Variants in SRD5A2 observed in about 807,000 individuals in gnomAD.
SRD5A2 encodes the protein 3-oxo-5-alpha-steroid 4-dehydrogenase 2.
SRD5A2 carries 30 observed loss-of-function variants against 27.4 expected under a neutral mutation model. The observed-to-expected ratio is 1.10, with a 90% CI of 0.82 to 1.49. The LOEUF (loss-of-function observed/expected upper bound fraction) is 1.49, where lower values mean the gene tolerates loss of function less well. Among genes scored for constraint, SRD5A2 ranks in the 40% most tolerant of loss-of-function variants. The pLI, the probability that SRD5A2 is intolerant of heterozygous loss-of-function variation, is 0.00. For missense variants in SRD5A2, 348 were observed against 323.4 expected (o/e 1.08, Z -0.58); for synonymous variants, 141 against 133.6 (o/e 1.06, Z -0.38).
the SRD5A2 span, among the ~76,000 whole-genome samples, chr2:31,606,145 G>T: frequency 6.6e-6 from 1 of 151,912 alleles, no homozygotes; most frequent in Non-Finnish European, 1.5e-5. Flanking sequence ...GTTACCAGAG[G>T]CTGGGAAGGG....
At chr2:31,655,450 T>C in the SRD5A2 span, among the ~76,000 whole-genome samples, 1 of 152,186 alleles carries the variant, frequency 6.6e-6, no homozygotes, top group Non-Finnish European at 1.5e-5. Context: ...TCTCACTGAC[T>C]TCCAGGCAGA....
the SRD5A2 span, among the ~76,000 whole-genome samples, chr2:31,592,966 T>C: frequency 6.6e-6 from 1 of 152,194 alleles, no homozygotes; most frequent in Non-Finnish European, 1.5e-5. Flanking sequence ...TGTAGGGACA[T>C]GGATGAAATT....
the SRD5A2 span, among the ~76,000 whole-genome samples, chr2:31,602,969 A>G: frequency 1.4e-4 from 21 of 151,980 alleles, no homozygotes; most frequent in African/African-American, 4.6e-4. Flanking sequence ...AACCCTAGAA[A>G]AAAACCTAGG....
chr2:31,632,267 C>T, the SRD5A2 span, among the ~76,000 whole-genome samples: 51 of 152,200 alleles, frequency 3.4e-4, 2 homozygotes, highest in Admixed American at 3.3e-3. Flanking sequence ...TCATGGCCCT[C>T]AGGCAAGTGG....
chr2:31,618,217 G>T, the SRD5A2 span, among the ~76,000 whole-genome samples: 1 of 152,130 alleles, frequency 6.6e-6, no homozygotes, highest in Non-Finnish European at 1.5e-5. Context: ...CACAAGAACA[G>T]CATGGGGGAA....
At chr2:31,660,689 A>ATAAAAATTAAG in the SRD5A2 span, among the ~76,000 whole-genome samples, 1 of 152,242 alleles carries the variant, frequency 6.6e-6, no homozygotes, top group South Asian at 2.1e-4. Context: ...TAAAACTACT[A>ATAAAAATTAAG]TAAAAATTAA....
chr2:31,525,941 G>A lies in SRD5A2; in HGVS notation c.*255C>T, dbSNP rs1266268163. Reference sequence around the variant, plus strand: ...AAGTTTGTACTTTCTCAGAGCAATAGCTAAGAAGCAACTGTCGCCATTTGG... The same window carrying A: ...AAGTTTGTACTTTCTCAGAGCAATAACTAAGAAGCAACTGTCGCCATTTGG... On this transcript the variant is annotated 3_prime_UTR_variant, in exon 5 of 5. Coordinates refer to ENST00000622030, the MANE Select transcript of SRD5A2 (RefSeq NM_000348.4). 6 of 391,318 alleles carry A rather than the reference G, an allele frequency of 1.5e-5. No individual in the cohort carries two copies. The highest frequency in any genetic ancestry group is 2.8e-5 in the Non-Finnish European group (6 of 216,928). 24.2% of individuals were successfully genotyped at this position (391,318 alleles called of 1,614,324 possible). A position where few individuals can be genotyped will look rare whatever the true frequency, so the allele number is the denominator to read the frequency against.
At chr2:31,591,118 G>C in the SRD5A2 span, among the ~76,000 whole-genome samples, 1 of 152,204 alleles carries the variant, frequency 6.6e-6, no homozygotes, top group East Asian at 1.9e-4. Context: ...CTTCTGCACA[G>C]CAAAAGAAAA....
the SRD5A2 span, among the ~76,000 whole-genome samples, chr2:31,619,457 G>A: frequency 1.3e-5 from 2 of 152,064 alleles, no homozygotes; most frequent in Non-Finnish European, 2.9e-5. Context: ...TATATATCCG[G>A]TAATGGGATT....
At chr2:31,657,500 C>T in the SRD5A2 span, among the ~76,000 whole-genome samples, 1 of 152,150 alleles carries the variant, frequency 6.6e-6, no homozygotes, top group Admixed American at 6.6e-5. Flanking sequence ...AAGCAATTCT[C>T]CTTCCTCAGG....
chr2:31,635,899 A>T, the SRD5A2 span, among the ~76,000 whole-genome samples: 1 of 152,000 alleles, frequency 6.6e-6, no homozygotes. Context: ...ATTCTGTTCC[A>T]TTGGTCTAGG....
the SRD5A2 span, among the ~76,000 whole-genome samples, chr2:31,586,384 T>A: frequency 1.3e-5 from 2 of 152,210 alleles, no homozygotes; most frequent in South Asian, 2.1e-4. Context: ...CTGTTTATTG[T>A]AGAGCCCCAA....
At chr2:31,633,764 T>C in the SRD5A2 span, among the ~76,000 whole-genome samples, 1 of 152,146 alleles carries the variant, frequency 6.6e-6, no homozygotes, top group Non-Finnish European at 1.5e-5. Flanking sequence ...CAGGATTAGC[T>C]GGATTTCCTA....
the SRD5A2 span, among the ~76,000 whole-genome samples, chr2:31,590,168 C>T: frequency 2.0e-5 from 3 of 148,456 alleles, no homozygotes; most frequent in Middle Eastern, 3.4e-3. Flanking sequence ...ACCCACCCTG[C>T]GCTCAATGGT....
the SRD5A2 span, among the ~76,000 whole-genome samples, chr2:31,605,358 C>T: frequency 6.6e-6 from 1 of 151,702 alleles, no homozygotes; most frequent in Admixed American, 6.6e-5. Context: ...GAAGAGACAA[C>T]CCACAGAATG....
At chr2:31,538,081 T>C (rs959700036) in intron 1 of SRD5A2, among the ~76,000 whole-genome samples, 2 of 152,202 alleles carry the variant, frequency 1.3e-5, no homozygotes, top group African/African-American at 4.8e-5. Context: ...AAGTCCCAAA[T>C]TGATATCTCC....
At chr2:31,606,526 T>C in the SRD5A2 span, among the ~76,000 whole-genome samples, 2 of 151,914 alleles carry the variant, frequency 1.3e-5, no homozygotes, top group Non-Finnish European at 2.9e-5. Context: ...GCAGTCAGTA[T>C]GCACTACCTT....
intron 1 of SRD5A2, among the ~76,000 whole-genome samples, chr2:31,572,705 A>C (rs1311384855): frequency 1.3e-5 from 2 of 152,238 alleles, no homozygotes; most frequent in Non-Finnish European, 2.9e-5. Flanking sequence ...GTTTTAAAAG[A>C]TAGAAGTAAG....
the SRD5A2 span, among the ~76,000 whole-genome samples, chr2:31,591,528 G>A: frequency 6.6e-6 from 1 of 151,922 alleles, no homozygotes; most frequent in South Asian, 2.1e-4. Context: ...AGTCAGTGTG[G>A]TGATTCCTCA....
Sources: gnomAD v4.1 joint callset for allele counts (sites outside exome capture counted in the v4.1 genomes callset) on GRCh38, gnomAD v4.1.1 for gene constraint, MANE v1.5 for transcripts, NCBI Gene and HGNC (gene_info 2026-07-23, HGNC 2026-07-21) for gene names.